Variants in NMBR observed in about 807,000 individuals in gnomAD.
NMBR encodes the protein neuromedin B receptor.
In NMBR, 16 loss-of-function variants were observed where a neutral mutation model predicts 20.5. The ratio of observed to expected loss-of-function variants is 0.78; its 90% CI spans 0.53 to 1.19. The LOEUF is 1.19. Ranked by LOEUF, NMBR falls within the 50% of genes most tolerant of loss-of-function variation. NMBR has a pLI of 0.00. For missense variants in NMBR, 582 were observed against 499.1 expected (o/e 1.17, Z -1.58); for synonymous variants, 212 against 196.6 (o/e 1.08, Z -0.65).
intron 1 of NMBR, chr6:142,135,095 T>A (rs1181458582): frequency 8.7e-6 from 3 of 346,022 alleles, no homozygotes; most frequent in Non-Finnish European, 1.6e-5. Context: ...ATATTTCATT[T>A]TAATTTTGAT....
intron 1 of NMBR, among the ~76,000 whole-genome samples, chr6:142,143,520 G>T (rs776818263): frequency 6.6e-6 from 1 of 152,226 alleles, no homozygotes; most frequent in Non-Finnish European, 1.5e-5. Context: ...CTGACCTCAG[G>T]TGATCCACTC....
At chr6:142,145,536 A>AAAT (rs1778417236) in intron 1 of NMBR, among the ~76,000 whole-genome samples, 1 of 152,250 alleles carries the variant, frequency 6.6e-6, no homozygotes, top group African/African-American at 2.4e-5. Context: ...CAAATTAAAT[A>AAAT]AATTAATATA....
In NMBR at chr6:142,075,996, GA is replaced by G; in HGVS notation, c.824del (p.Phe275SerfsTer26). On this transcript the variant is annotated frameshift_variant, in exon 4 of 4. Transcript: ENST00000258042. LOFTEE classifies it high-confidence loss of function. ...AKIVLVFVGC[F>X]IFCWFPNHIL... ...TGTGGTTTGGAAACCAACAGAAGAT[GA>G]AACAGCCCACAAAGACAAGCACAAT... 6.2e-7 allele frequency: 1 copy of G among 1,609,802 alleles called. No homozygotes were observed. The highest frequency in any genetic ancestry group is 1.3e-5 in the African/African-American group (1 of 74,738).
chr6:142,090,726 T>C (rs554690036), intron 1 of NMBR, among the ~76,000 whole-genome samples: 131 of 151,802 alleles, frequency 8.6e-4, no homozygotes, highest in African/African-American at 2.8e-3. Context: ...GTTTTCTTTT[T>C]AACATCCAAT....
At chr6:142,100,784 T>C (rs1777545177) in intron 1 of NMBR, among the ~76,000 whole-genome samples, 1 of 152,208 alleles carries the variant, frequency 6.6e-6, no homozygotes, top group Non-Finnish European at 1.5e-5. Flanking sequence ...TGGGAGACTA[T>C]GTACGTGTGT....
intron 1 of NMBR, chr6:142,135,103 G>A (rs1414765319): frequency 6.0e-6 from 2 of 330,804 alleles, no homozygotes. Flanking sequence ...TTTTAATTTT[G>A]ATCACTTTTA....
intron 1 of NMBR, among the ~76,000 whole-genome samples, chr6:142,106,642 T>C (rs1298223444): frequency 6.6e-6 from 1 of 152,226 alleles, no homozygotes; most frequent in Non-Finnish European, 1.5e-5. Flanking sequence ...TTCCAATTAC[T>C]TGTTTCATTG....
intron 2 of NMBR, among the ~76,000 whole-genome samples, chr6:142,086,896 T>C (rs1777210416): frequency 6.6e-6 from 1 of 152,194 alleles, no homozygotes; most frequent in Non-Finnish European, 1.5e-5. Flanking sequence ...TTGCTAATCA[T>C]TAAGTTTTAT....
intron 1 of NMBR, among the ~76,000 whole-genome samples, chr6:142,109,476 CTTTTTT>C (rs77684305): frequency 9.2e-6 from 1 of 108,296 alleles, no homozygotes; most frequent in Non-Finnish European, 1.9e-5. Flanking sequence ...TTGGGTATGT[CTTTTTT>C]TTTTTTTTTT....
chr6:142,091,284 A>G lies in NMBR; in HGVS notation c.-663-1963T>C, dbSNP rs532603969. On this transcript the variant is annotated intron_variant, in intron 1 of 3. Coordinates refer to ENST00000258042, the MANE Select transcript of NMBR (RefSeq NM_002511.4). ...CTGTCACTCAGGCATATGCAGTGGC[A>G]TGAAGATGGCTCACTATAGCCTCAA... Among the ~76,000 whole-genome samples the G allele has an allele frequency of 3.0e-3, 451 of 152,286 alleles. 2 individuals are homozygous for G. The highest frequency in any genetic ancestry group is 0.011 in the African/African-American group (440 of 41,562).
intron 2 of NMBR, among the ~76,000 whole-genome samples, chr6:142,083,063 G>T (rs576032175): frequency 2.6e-5 from 4 of 152,280 alleles, no homozygotes; most frequent in Admixed American, 1.3e-4. Flanking sequence ...TGAATCTTGT[G>T]AGAATTATAC....
At chr6:142,102,062 A>T (rs942641380) in intron 1 of NMBR, among the ~76,000 whole-genome samples, 2 of 152,174 alleles carry the variant, frequency 1.3e-5, no homozygotes, top group African/African-American at 4.8e-5. Flanking sequence ...AACCAAACCA[A>T]CTACAATCAA....
Position 142,093,560 on chromosome 6 carries a change from C to G in NMBR, c.-663-4239G>C, listed in dbSNP as rs540610798. Among the ~76,000 whole-genome samples, 594 of 152,040 alleles carry G rather than the reference C, an allele frequency of 3.9e-3. 6 individuals carry two copies. Among genetic ancestry groups the G allele is most frequent in the African/African-American group, 0.014 (578 of 41,444 alleles). On this transcript the variant is annotated intron_variant, in intron 1 of 3. Coordinates refer to ENST00000258042, the MANE Select transcript of NMBR (RefSeq NM_002511.4). ...CTTAATCCAGTCTATCATTGTTGGACATTTGGGTTGGTTCCAAGTCTTTGC... is the reference window on the plus strand; with the variant it reads ...CTTAATCCAGTCTATCATTGTTGGAGATTTGGGTTGGTTCCAAGTCTTTGC...
Position 142,075,550 on chromosome 6 carries a change from C to A in NMBR, c.*98G>T. 3 of 1,147,408 alleles carry A rather than the reference C, an allele frequency of 2.6e-6. No homozygotes were observed. Among genetic ancestry groups the A allele is most frequent in the Non-Finnish European group, 3.7e-6 (3 of 816,516 alleles). 71.1% of individuals were successfully genotyped at this position (1,147,408 alleles called of 1,614,324 possible). On this transcript the variant is annotated 3_prime_UTR_variant, in exon 4 of 4. Transcript: ENST00000258042. ...ATTTTCTGAGTCAATCATGCAATTG[C>A]CTAATAAATTAGCTAAGCAACAGCA...
At chr6:142,105,048 T>C (rs1190698558) in intron 1 of NMBR, among the ~76,000 whole-genome samples, 1 of 151,128 alleles carries the variant, frequency 6.6e-6, no homozygotes, top group Non-Finnish European at 1.5e-5. Flanking sequence ...TGGGGGAGGA[T>C]ATTACAAAGT....
intron 1 of NMBR, among the ~76,000 whole-genome samples, chr6:142,135,796 T>C (rs898325269): frequency 3.4e-4 from 52 of 152,054 alleles, no homozygotes; most frequent in Non-Finnish European, 6.9e-4. Context: ...ATTTCCAATT[T>C]CATCCATGTC....
At chr6:142,099,449 G>C (rs1344582311) in intron 1 of NMBR, among the ~76,000 whole-genome samples, 1 of 152,220 alleles carries the variant, frequency 6.6e-6, no homozygotes, top group African/African-American at 2.4e-5. Context: ...GAGTGTGAAG[G>C]GGAAGTGCCA....
intron 1 of NMBR, among the ~76,000 whole-genome samples, chr6:142,107,743 C>T (rs938770325): frequency 7.2e-5 from 11 of 151,914 alleles, no homozygotes; most frequent in Non-Finnish European, 1.6e-4. Flanking sequence ...TTCAGAGAAT[C>T]CAAATGTCAA....
intron 2 of NMBR, among the ~76,000 whole-genome samples, chr6:142,083,004 T>C (rs539256954): frequency 1.3e-5 from 2 of 152,322 alleles, no homozygotes; most frequent in East Asian, 3.9e-4. Flanking sequence ...TCAAGGTAGA[T>C]GAATAATCTT....
Sources: allele counts gnomAD v4.1 joint callset (sites outside exome capture counted in the v4.1 genomes callset), GRCh38; gene constraint gnomAD v4.1.1; transcripts MANE v1.5; gene names NCBI Gene and HGNC (gene_info 2026-07-23, HGNC 2026-07-21).